Variants in UBN1 observed in about 807,000 individuals in gnomAD.
UBN1 encodes ubinuclein 1.
Under a neutral mutation model 108.5 loss-of-function variants are expected in UBN1, and 17 were observed. The ratio of observed to expected loss-of-function variants is 0.16; its 90% CI spans 0.11 to 0.24. The LOEUF is 0.24. UBN1 is among the 10% of genes least tolerant of loss of function. The pLI, the probability that UBN1 is intolerant of heterozygous loss-of-function variation, is 1.00. For missense variants in UBN1, 1,595 were observed against 1,394.4 expected, an observed-to-expected ratio of 1.14 and a Z score of -2.29; for synonymous variants, 726 against 564.2, an observed-to-expected ratio of 1.29 and a Z score of -4.07.
Position 4,870,606 on chromosome 16 carries a change from C to G in UBN1, c.1402C>G (p.Gln468Glu). The change falls in exon 10 of 18, where the codon CAG becomes GAG. Residue 468 changes from glutamine to glutamate, a missense_variant. This residue lies in a region of UBN1 where 1,398 missense variants were observed against 1,194.7 expected (regional missense o/e 1.17). Transcript: ENST00000262376. ...EQMAKYQDEC[Q>E]AHTQAKVAKM... ...GATGGCCAAGTACCAGGACGAATGC[C>G]AGGCACACACGCAGGCAAAGGTTGC... is the stretch of plus-strand genomic sequence containing the variant. 2 of 1,614,208 alleles carry G rather than the reference C, an allele frequency of 1.2e-6. No homozygotes were observed. The highest frequency in any genetic ancestry group is 8.5e-7 in the Non-Finnish European group (1 of 1,180,046).
At chr16:4,868,716 GGT>G in intron 7 of UBN1, 115 bp from the exon 8 acceptor site, 1 of 889,456 alleles carries the variant, frequency 1.1e-6, no homozygotes. Context: ...GAAAGGTGGC[GGT>G]GTGACTGTAT....
At position 4,879,379 on chromosome 16, in the gene UBN1, T is replaced by C. The variant is rs372385467; in HGVS notation, c.3356-704T>C. On this transcript the variant is annotated intron_variant, in intron 17 of 17. Coordinates refer to ENST00000262376, the MANE Select transcript of UBN1 (RefSeq NM_001079514.3). ...GCTTGAACCCAGGAATCAGAGGGTA[T>C]AGTGTGCTGTGATCATGCTTGTGAA... 9.2e-5 allele frequency among the ~76,000 whole-genome samples: 14 copies of C among 152,006 alleles called. No homozygotes were observed. The East Asian group carries it at 2.5e-3, about 28-fold the overall frequency.
At chr16:4,850,762 A>G (rs2086520940) in intron 1 of UBN1, among the ~76,000 whole-genome samples, 1 of 152,226 alleles carries the variant, frequency 6.6e-6, no homozygotes, top group South Asian at 2.1e-4. Flanking sequence ...GATATATACA[A>G]ATACGTCTAC....
At chr16:4,849,442 A>G (rs1390250077) in intron 1 of UBN1, among the ~76,000 whole-genome samples, 2 of 152,146 alleles carry the variant, frequency 1.3e-5, no homozygotes, top group African/African-American at 2.4e-5. Context: ...TGTTTCATCA[A>G]TAACCAGTTT....
At chr16:4,866,103 A>G (rs908306861) in intron 7 of UBN1, among the ~76,000 whole-genome samples, 1 of 152,266 alleles carries the variant, frequency 6.6e-6, no homozygotes, top group Non-Finnish European at 1.5e-5. Context: ...TCTCGATCTT[A>G]AAACTAGCAG....
At chr16:4,878,966 C>T (rs1478069181) in intron 17 of UBN1, among the ~76,000 whole-genome samples, 1 of 152,206 alleles carries the variant, frequency 6.6e-6, no homozygotes, top group Non-Finnish European at 1.5e-5. Context: ...GAGCCGTGGT[C>T]ATGCTACTGC....
In UBN1 at chr16:4,877,168, G is replaced by A. The variant is rs1453592068; in HGVS notation, c.3265+57G>A. 1.3e-6 allele frequency: 2 copies of A among 1,548,436 alleles called. No individual in the cohort carries two copies. The highest frequency in any genetic ancestry group is 4.5e-5 in the East Asian group (2 of 44,448). ...AGGAACCTCTAGATTGTGGCCAGGG[G>A]TCCTGCTGTTGTGTACTCTGGTTCC... On this transcript the variant is annotated intron_variant, in intron 16 of 17. Coordinates refer to ENST00000262376, the MANE Select transcript of UBN1 (RefSeq NM_001079514.3). The surrounding 1 kb of genome is among the most constrained non-coding windows in gnomAD (Gnocchi z 4.3).
At chr16:4,855,201 T>G (rs1367916806) in intron 2 of UBN1, among the ~76,000 whole-genome samples, 1 of 152,194 alleles carries the variant, frequency 6.6e-6, no homozygotes, top group East Asian at 1.9e-4. Flanking sequence ...GAAATCATGT[T>G]GTGAATTTTC....
rs749172221 is a variant in UBN1 at position 4,877,094 on chromosome 16, A to G, written c.3248A>G (p.His1083Arg). The G allele has an allele frequency of 6.2e-7, 1 of 1,611,550 alleles. No homozygotes were observed. The highest frequency in any genetic ancestry group is 8.5e-7 in the Non-Finnish European group (1 of 1,178,756). ...ACAGGCCCTGCCCCCGGGTCCTTCC[A>G]CCATGGCCTTGGCCACAGTAAGTGC... Reference protein sequence around the residue: ...IVTGPAPGSFHHGLGHSLLAG... With the variant: ...IVTGPAPGSFRHGLGHSLLAG... The change falls in exon 16 of 18, where the codon CAC (histidine) becomes CGC (arginine). Residue 1083 changes from histidine (H) to arginine (R), a missense_variant. Physicochemically the swap from His to Arg is conservative, Grantham distance 29. This residue lies in a region of UBN1 where 1,398 missense variants were observed against 1,194.7 expected (regional missense o/e 1.17). Coordinates refer to ENST00000262376, the MANE Select transcript of UBN1 (RefSeq NM_001079514.3). The surrounding 1 kb of genome is among the most constrained non-coding windows in gnomAD (Gnocchi z 4.3).
In UBN1 at chr16:4,857,982, C is replaced by T; in HGVS notation, c.250-8C>T. On this transcript the variant is annotated splice_region_variant and splice_polypyrimidine_tract_variant and intron_variant, in intron 2 of 17. Transcript: ENST00000262376. The stretch of plus-strand genomic sequence containing the variant: ...TGACTTATTTTTTGTGGAACGATCT[C>T]TTTACAGAAGAAAGATCTGTCAGAT... 6.2e-7 allele frequency: 1 copy of T among 1,606,030 alleles called. No individual in the cohort carries two copies. Among genetic ancestry groups the T allele is most frequent in the South Asian group, 1.1e-5 (1 of 90,322 alleles).
chr16:4,861,740 G>A (rs572857494), intron 7 of UBN1, among the ~76,000 whole-genome samples: 3 of 152,186 alleles, frequency 2.0e-5, no homozygotes, highest in Non-Finnish European at 4.4e-5. Flanking sequence ...TCAGGAGTTC[G>A]AGACCAGCCT....
intron 2 of UBN1, among the ~76,000 whole-genome samples, chr16:4,854,595 A>T (rs2086710970): frequency 1.4e-5 from 2 of 141,894 alleles, no homozygotes; most frequent in African/African-American, 5.4e-5. Context: ...CCAACTCCTG[A>T]CCTCAAGTGA....
chr16:4,876,994 C>T lies in UBN1; in HGVS notation c.3148C>T (p.Pro1050Ser). 1.2e-6 allele frequency: 2 copies of T among 1,614,198 alleles called. No homozygotes were observed. Among genetic ancestry groups the T allele is most frequent in the Non-Finnish European group, 1.7e-6 (2 of 1,180,022 alleles). Reference sequence around the variant, plus strand: ...CTCCTTGGGAATTATAACCCCTGTCCCTATTCCTGTCCATGTGCTCTCCTT... The same window carrying T: ...CTCCTTGGGAATTATAACCCCTGTCTCTATTCCTGTCCATGTGCTCTCCTT... The part of the protein sequence containing the change: ...SNSLGIITPV[P>S]IPVHVLSFSA... The change falls in exon 16 of 18, where the codon CCT becomes TCT. Residue 1050 changes from proline (P) to serine (S), a missense_variant. Pro to Ser is a moderately conservative substitution (Grantham distance 74, BLOSUM62 -1). This residue lies in a region of UBN1 where 1,398 missense variants were observed against 1,194.7 expected (regional missense o/e 1.17). Transcript: ENST00000262376.
At position 4,847,496 on chromosome 16, in the gene UBN1, C is replaced by A; in HGVS notation, c.-754C>A. 1 of 561,450 alleles carries A rather than the reference C, an allele frequency of 1.8e-6. No homozygotes were observed. The highest frequency in any genetic ancestry group is 3.0e-6 in the Non-Finnish European group (1 of 335,536). The allele number at this position is 561,450 out of a possible 1,614,324, so 34.8% of individuals were successfully genotyped here. On this transcript the variant is annotated 5_prime_UTR_variant, in exon 1 of 18. Transcript: ENST00000262376. ...AGAGACTCCCGGCTCCTTCCCCCTC[C>A]CTTCGGCTCGTGACAACGAAGCGCC...
chr16:4,853,619 G>A (rs2086660009), intron 2 of UBN1, among the ~76,000 whole-genome samples: 1 of 151,276 alleles, frequency 6.6e-6, no homozygotes, highest in Non-Finnish European at 1.5e-5. Flanking sequence ...ATGCAATGGG[G>A]CGATCTCGGC....
chr16:4,879,965 C>A, intron 17 of UBN1, 118 bp from the exon 18 acceptor site: 1 of 1,082,544 alleles, frequency 9.2e-7, no homozygotes, highest in Non-Finnish European at 1.4e-6. Flanking sequence ...CTCTAGAACA[C>A]TCAGCATTTG....
chr16:4,860,083 C>G, intron 6 of UBN1, 115 bp downstream of exon 6: 2 of 1,362,634 alleles, frequency 1.5e-6, no homozygotes, highest in Non-Finnish European at 2.0e-6. Context: ...GCCTGGCCTT[C>G]CTGTCCTCCC....
intron 14 of UBN1, among the ~76,000 whole-genome samples, 188 bp downstream of exon 14, chr16:4,873,261 C>G (rs1023168963): frequency 6.6e-6 from 1 of 152,232 alleles, no homozygotes; most frequent in East Asian, 1.9e-4. Flanking sequence ...AGCCTTGGTT[C>G]TACAAACAGT....
chr16:4,851,503 G>A (rs1233600734), intron 1 of UBN1, among the ~76,000 whole-genome samples: 1 of 152,138 alleles, frequency 6.6e-6, no homozygotes, highest in East Asian at 1.9e-4. Flanking sequence ...GGTTGGAGAC[G>A]AACATTCTAG....
Sources: allele counts gnomAD v4.1 joint callset (sites outside exome capture counted in the v4.1 genomes callset), GRCh38; gene constraint gnomAD v4.1.1; regional missense constraint gnomAD v4.1.1; non-coding constraint Gnocchi (gnomAD v3.1); transcripts MANE v1.5; gene names NCBI Gene and HGNC (gene_info 2026-07-23, HGNC 2026-07-21).